Variants in ARHGAP15 observed in about 807,000 individuals in gnomAD.
ARHGAP15 encodes the protein Rho GTPase activating protein 15, also known as rho GTPase-activating protein 15.
A neutral mutation model predicts 63.7 loss-of-function variants in ARHGAP15; 51 were observed. That is an observed-to-expected ratio of 0.80 (90% confidence interval 0.64 to 1.01). ARHGAP15 has a LOEUF of 1.01. Ranked by LOEUF, ARHGAP15 falls within the 50% of genes least tolerant of loss-of-function variation. The pLI, the probability that ARHGAP15 is intolerant of heterozygous loss-of-function variation, is 0.00. For missense variants in ARHGAP15, 560 were observed against 564.6 expected (o/e 0.99, Z 0.08); for synonymous variants, 191 against 193.8 (o/e 0.99, Z 0.12).
At chr2:143,271,690 A>G (rs1011591189) in intron 6 of ARHGAP15, among the ~76,000 whole-genome samples, 3 of 152,126 alleles carry the variant, frequency 2.0e-5, no homozygotes, top group African/African-American at 4.8e-5. Context: ...GTTAGTCGGG[A>G]TAGTCTCGCG....
At chr2:143,263,907 C>CTTTTTTTTTTTTTTT (rs373296096) in intron 6 of ARHGAP15, among the ~76,000 whole-genome samples, 2 of 38,454 alleles carry the variant, frequency 5.2e-5, no homozygotes, top group African/African-American at 1.2e-4. Context: ...AAGCTGCAGT[C>CTTTTTTTTTTTTTTT]TTTTTTTTTT....
At chr2:143,330,117 A>C (rs1468552375) in intron 6 of ARHGAP15, among the ~76,000 whole-genome samples, 19 of 85,350 alleles carry the variant, frequency 2.2e-4, no homozygotes, top group Middle Eastern at 4.6e-3. Flanking sequence ...AAAAAAAAAA[A>C]AAAAAAAAAA....
At chr2:143,653,448 A>C (rs955357916) in intron 12 of ARHGAP15, among the ~76,000 whole-genome samples, 2 of 152,084 alleles carry the variant, frequency 1.3e-5, no homozygotes, top group African/African-American at 4.8e-5. Flanking sequence ...CAATTTCTCT[A>C]ATAGACACAG....
At chr2:143,529,056 T>TC (rs1168128142) in intron 10 of ARHGAP15, among the ~76,000 whole-genome samples, 4 of 152,126 alleles carry the variant, frequency 2.6e-5, no homozygotes, top group African/African-American at 9.7e-5. Context: ...GCTGTTTTTT[T>TC]CCCACTCAGA....
At position 143,669,277 on chromosome 2, in the gene ARHGAP15, A is replaced by G. The variant is rs145002327; in HGVS notation, c.1139-34142A>G. Among the ~76,000 whole-genome samples the G allele has an allele frequency of 6.1e-4, 93 of 152,302 alleles. No individual in the cohort carries two copies. The East Asian group carries it at 0.017, about 28-fold the overall frequency. On this transcript the variant is annotated intron_variant, in intron 12 of 13. Coordinates refer to ENST00000295095, the MANE Select transcript of ARHGAP15 (RefSeq NM_018460.4). ...GCTTGTGTTCAAACTTCACCTGTGTAATGTCAAAGCCAGCTTCCTTACCCA... is the reference window on the plus strand; with the variant it reads ...GCTTGTGTTCAAACTTCACCTGTGTGATGTCAAAGCCAGCTTCCTTACCCA...
chr2:143,212,904 C>T (rs1357281102), intron 3 of ARHGAP15, among the ~76,000 whole-genome samples: 1 of 152,156 alleles, frequency 6.6e-6, no homozygotes, highest in Non-Finnish European at 1.5e-5. Flanking sequence ...GTGGAAACTT[C>T]ACTTGCCAGC....
chr2:143,715,676 G>T (rs1444557804), intron 13 of ARHGAP15, among the ~76,000 whole-genome samples: 1 of 152,274 alleles, frequency 6.6e-6, no homozygotes, highest in Admixed American at 6.5e-5. Context: ...TAGGTTTTCT[G>T]TTCACTCTGA....
intron 6 of ARHGAP15, among the ~76,000 whole-genome samples, chr2:143,408,932 A>G (rs1688327473): frequency 6.6e-6 from 1 of 151,952 alleles, no homozygotes. Context: ...ATTTGGGACT[A>G]TAGATAAAAG....
At chr2:143,670,129 A>C (rs977996618) in intron 12 of ARHGAP15, among the ~76,000 whole-genome samples, 2 of 152,120 alleles carry the variant, frequency 1.3e-5, no homozygotes, top group African/African-American at 2.4e-5. Flanking sequence ...TGAAAACTCT[A>C]AGAATCAGAC....
chr2:143,565,706 C>A lies in ARHGAP15; in HGVS notation c.1003+9221C>A, dbSNP rs564895673. 2.6e-5 allele frequency among the ~76,000 whole-genome samples: 4 copies of A among 152,332 alleles called. No homozygotes were observed. The South Asian group carries it at 8.3e-4, about 32-fold the overall frequency. ...ACAAAGCTTGAGGCGAGATAACTTA[C>A]TGTCCCTCAACATGGTATCTTGTTA... On this transcript the variant is annotated intron_variant, in intron 11 of 13. Transcript: ENST00000295095.
At chr2:143,765,109 A>ATG (rs60894627) in intron 13 of ARHGAP15, among the ~76,000 whole-genome samples, 21,327 of 147,450 alleles carry the variant, frequency 0.14, 1,496 homozygotes, top group East Asian at 0.31. Context: ...CCTCTAAAAT[A>ATG]TGTGTGTGTG....
intron 8 of ARHGAP15, among the ~76,000 whole-genome samples, chr2:143,460,470 CAT>C (rs1278167962): frequency 1.3e-5 from 2 of 152,148 alleles, no homozygotes; most frequent in Non-Finnish European, 2.9e-5. Context: ...ACACTGAAAA[CAT>C]AATTTCTTAT....
At chr2:143,496,058 T>C (rs999798635) in intron 9 of ARHGAP15, among the ~76,000 whole-genome samples, 5 of 152,244 alleles carry the variant, frequency 3.3e-5, no homozygotes, top group African/African-American at 1.2e-4. Context: ...TGTGTCATGA[T>C]TTAATATTAG....
At chr2:143,602,205 A>ATTTTTG (rs1380700235) in intron 11 of ARHGAP15, among the ~76,000 whole-genome samples, 7 of 152,352 alleles carry the variant, frequency 4.6e-5, no homozygotes, top group African/African-American at 1.7e-4. Flanking sequence ...AAATAACATT[A>ATTTTTG]TACAGCTTTC....
chr2:143,610,538 C>T (rs1190179935), intron 11 of ARHGAP15, among the ~76,000 whole-genome samples: 1 of 152,136 alleles, frequency 6.6e-6, no homozygotes, highest in African/African-American at 2.4e-5. Flanking sequence ...AACCACTGAA[C>T]CAAGTCATTT....
chr2:143,598,121 C>G (rs1697598850), intron 11 of ARHGAP15: 2 of 152,118 alleles, frequency 1.3e-5, no homozygotes, highest in Admixed American at 1.3e-4. Context: ...ACATACAGAC[C>G]ATAGCAGTTA....
intron 11 of ARHGAP15, among the ~76,000 whole-genome samples, chr2:143,587,132 C>T (rs1414667689): frequency 6.6e-6 from 1 of 152,174 alleles, no homozygotes; most frequent in Non-Finnish European, 1.5e-5. Flanking sequence ...TTTCCTTACT[C>T]ATAGGATACA....
At chr2:143,563,685 T>C (rs886532547) in intron 11 of ARHGAP15, among the ~76,000 whole-genome samples, 2 of 152,110 alleles carry the variant, frequency 1.3e-5, no homozygotes, top group African/African-American at 4.8e-5. Flanking sequence ...CCCTAAGATA[T>C]TTACAAAATT....
chr2:143,461,049 A>G (rs115146276), intron 8 of ARHGAP15, among the ~76,000 whole-genome samples: 3,168 of 151,944 alleles, frequency 0.021, 46 homozygotes, highest in Non-Finnish European at 0.034. Flanking sequence ...CAACACTTTG[A>G]GAGGCCAAAG....
Sources: gnomAD v4.1 joint callset for allele counts (sites outside exome capture counted in the v4.1 genomes callset) on GRCh38, gnomAD v4.1.1 for gene constraint, MANE v1.5 for transcripts, NCBI Gene and HGNC (gene_info 2026-07-23, HGNC 2026-07-21) for gene names.